CHCHD6: variants seen among roughly 807,000 people sequenced by gnomAD.
CHCHD6 encodes MICOS complex subunit MIC25.
In CHCHD6, 28 loss-of-function variants were observed where a neutral mutation model predicts 32.3. The observed-to-expected ratio is 0.87, with a 90% CI of 0.64 to 1.19. CHCHD6 has a LOEUF of 1.19. CHCHD6 is among the 50% of genes most tolerant of loss of function. CHCHD6 has a pLI of 0.00. For missense variants in CHCHD6, 333 were observed against 307.0 expected, an observed-to-expected ratio of 1.08 and a Z score of -0.63; for synonymous variants, 122 against 117.5, an observed-to-expected ratio of 1.04 and a Z score of -0.25.
In CHCHD6 at chr3:126,817,345, T is replaced by G. The variant is rs182977873; in HGVS notation, c.412-35302T>G. 1.8e-4 allele frequency among the ~76,000 whole-genome samples: 27 copies of G among 152,054 alleles called. No individual in the cohort carries two copies. The East Asian group carries it at 4.8e-3, about 27-fold the overall frequency. On this transcript the variant is annotated intron_variant, in intron 4 of 7. Transcript: ENST00000290913. ...CCAGATAGATTTTCCTCTTGCCTTT[T>G]TTTTTTTTTTTAAATGAAAAGCTTT...
intron 4 of CHCHD6, among the ~76,000 whole-genome samples, chr3:126,840,434 T>G (rs555376554): frequency 1.6e-4 from 24 of 152,182 alleles, no homozygotes; most frequent in Non-Finnish European, 2.5e-4. Flanking sequence ...TAGAAAGAAC[T>G]CTGACAGTTA....
chr3:126,712,305 A>G (rs1934785810), intron 1 of CHCHD6, among the ~76,000 whole-genome samples: 1 of 152,250 alleles, frequency 6.6e-6, no homozygotes, highest in Non-Finnish European at 1.5e-5. Context: ...CAGCGTAACC[A>G]GTAATACAAT....
Position 126,887,479 on chromosome 3 carries a change from G to A in CHCHD6, c.496-27201G>A, listed in dbSNP as rs924332287. On this transcript the variant is annotated intron_variant, in intron 5 of 7. Coordinates refer to ENST00000290913, the MANE Select transcript of CHCHD6 (RefSeq NM_032343.3). ...GCCTGGTGCAAGTGGAGGCTCGTGTGGGAAGATCTGGCTTGGCTCTCATGC... is the reference window on the plus strand; with the variant it reads ...GCCTGGTGCAAGTGGAGGCTCGTGTAGGAAGATCTGGCTTGGCTCTCATGC... Among the ~76,000 whole-genome samples the A allele has an allele frequency of 2.0e-5, 3 of 152,134 alleles. No individual in the cohort carries two copies. The East Asian group carries it at 5.8e-4, about 29-fold the overall frequency.
At chr3:126,783,650 G>A (rs1030798822) in intron 4 of CHCHD6, among the ~76,000 whole-genome samples, 1 of 152,170 alleles carries the variant, frequency 6.6e-6, no homozygotes, top group African/African-American at 2.4e-5. Context: ...TGACCTATCT[G>A]AAAAAGAAAT....
At chr3:126,774,388 C>T (rs1302247111) in intron 4 of CHCHD6, among the ~76,000 whole-genome samples, 1 of 152,202 alleles carries the variant, frequency 6.6e-6, no homozygotes, top group Non-Finnish European at 1.5e-5. Context: ...TATCCTTCAT[C>T]ATATTTCCCT....
chr3:126,713,927 G>C (rs1232468993), intron 1 of CHCHD6, among the ~76,000 whole-genome samples: 1 of 151,682 alleles, frequency 6.6e-6, no homozygotes, highest in Non-Finnish European at 1.5e-5. Flanking sequence ...AATACAAAAA[G>C]TTAGCCGGGC....
intron 4 of CHCHD6, among the ~76,000 whole-genome samples, chr3:126,788,449 T>A (rs1938341296): frequency 6.6e-6 from 1 of 152,212 alleles, no homozygotes; most frequent in South Asian, 2.1e-4. Context: ...TGAATCCGTC[T>A]GGTGTTGGAC....
At chr3:126,862,369 A>T (rs1484081673) in intron 5 of CHCHD6, among the ~76,000 whole-genome samples, 53 of 54,206 alleles carry the variant, frequency 9.8e-4, no homozygotes, top group Non-Finnish European at 1.1e-3. Flanking sequence ...CACCTCCTCC[A>T]CCACCATCAC....
rs192236237 is a variant in CHCHD6, at chr3:126,734,976, A to T, written c.411+1754A>T. On this transcript the variant is annotated intron_variant, in intron 4 of 7. Coordinates refer to ENST00000290913, the MANE Select transcript of CHCHD6 (RefSeq NM_032343.3). Reference sequence around the variant, plus strand: ...ACTTGTGCTTTTAGAACCCCATGGCATCCTGGTGAGGAATCGGTTGATGCA... The same window carrying T: ...ACTTGTGCTTTTAGAACCCCATGGCTTCCTGGTGAGGAATCGGTTGATGCA... Among the ~76,000 whole-genome samples the T allele has an allele frequency of 1.2e-3, 190 of 152,284 alleles. 2 individuals carry two copies. Among genetic ancestry groups the T allele is most frequent in the Middle Eastern group, 6.8e-3 (2 of 294 alleles).
At chr3:126,890,328 G>A (rs2077739390) in intron 5 of CHCHD6, among the ~76,000 whole-genome samples, 1 of 152,226 alleles carries the variant, frequency 6.6e-6, no homozygotes, top group African/African-American at 2.4e-5. Flanking sequence ...CCCCATTGCT[G>A]GCTGCTGTGG....
intron 2 of CHCHD6, among the ~76,000 whole-genome samples, chr3:126,729,727 C>G (rs1283577609): frequency 6.6e-6 from 1 of 152,152 alleles, no homozygotes; most frequent in East Asian, 1.9e-4. Flanking sequence ...CCTGACGGGT[C>G]TGGGGTGGAG....
chr3:126,705,136 C>A (rs1243413677), intron 1 of CHCHD6, among the ~76,000 whole-genome samples: 1 of 152,168 alleles, frequency 6.6e-6, no homozygotes, highest in Non-Finnish European at 1.5e-5. Flanking sequence ...CCCGCTGTTT[C>A]TTGTAATTCT....
chr3:126,929,096 G>GCA (rs2078365796), intron 6 of CHCHD6, among the ~76,000 whole-genome samples: 1 of 152,228 alleles, frequency 6.6e-6, no homozygotes, highest in Admixed American at 6.5e-5. Context: ...ACCTGTGCAT[G>GCA]CAGCTGGGCA....
At chr3:126,933,304 A>G (rs918409618) in intron 6 of CHCHD6, among the ~76,000 whole-genome samples, 5 of 151,872 alleles carry the variant, frequency 3.3e-5, no homozygotes, top group Non-Finnish European at 5.9e-5. Flanking sequence ...CTCATTTCCT[A>G]CCATTTCCAG....
intron 5 of CHCHD6, among the ~76,000 whole-genome samples, chr3:126,878,182 G>T (rs1198166182): frequency 2.6e-5 from 4 of 152,224 alleles, no homozygotes; most frequent in Non-Finnish European, 4.4e-5. Flanking sequence ...TGAATTCAGG[G>T]TTTTAAAGAA....
chr3:126,715,327 C>T (rs567008000), intron 1 of CHCHD6, among the ~76,000 whole-genome samples: 4 of 152,264 alleles, frequency 2.6e-5, no homozygotes, highest in African/African-American at 7.2e-5. Context: ...AAGTGGCGAT[C>T]GCTGCACAGG....
intron 4 of CHCHD6, among the ~76,000 whole-genome samples, chr3:126,846,849 T>C (rs1941313575): frequency 6.6e-6 from 1 of 152,202 alleles, no homozygotes; most frequent in Non-Finnish European, 1.5e-5. Flanking sequence ...TGTATGTGTA[T>C]GTGTATTTTT....
intron 4 of CHCHD6, among the ~76,000 whole-genome samples, chr3:126,804,475 A>C (rs1939252205): frequency 6.6e-6 from 1 of 152,248 alleles, no homozygotes; most frequent in Admixed American, 6.5e-5. Context: ...GAAATGGATA[A>C]ATTCCTCGAC....
chr3:126,935,534 A>C (rs1409283177), intron 6 of CHCHD6, among the ~76,000 whole-genome samples: 2 of 152,234 alleles, frequency 1.3e-5, no homozygotes, highest in Admixed American at 6.5e-5. Flanking sequence ...TAGCTATTGT[A>C]ACAGAAAGGC....
Sources: gnomAD v4.1 joint callset for allele counts (sites outside exome capture counted in the v4.1 genomes callset) on GRCh38, gnomAD v4.1.1 for gene constraint, MANE v1.5 for transcripts, NCBI Gene and HGNC (gene_info 2026-07-23, HGNC 2026-07-21) for gene names.